The following DNAH11 variants were observed in gnomAD, a reference collection of about 807,000 sequenced individuals.
DNAH11 encodes axonemal beta dynein heavy chain 11.
DNAH11 carries 442 observed loss-of-function variants against 526.0 expected under a neutral mutation model. The observed-to-expected ratio is 0.84, with a 90% CI of 0.78 to 0.91. The LOEUF (loss-of-function observed/expected upper bound fraction) is 0.91, where lower values mean the gene tolerates loss of function less well. Among genes scored for constraint, DNAH11 ranks in the 40% least tolerant of loss-of-function variants. The pLI, the probability that DNAH11 is intolerant of heterozygous loss-of-function variation, is 0.00. For missense variants in DNAH11, 6,989 were observed against 5,448.7 expected, an observed-to-expected ratio of 1.28 and a Z score of -8.90; for synonymous variants, 2,461 against 1,935.9, an observed-to-expected ratio of 1.27 and a Z score of -7.12.
intron 8 of DNAH11, among the ~76,000 whole-genome samples, chr7:21,574,343 C>T (rs985076969): frequency 2.0e-5 from 3 of 152,124 alleles, no homozygotes; most frequent in Non-Finnish European, 4.4e-5. Flanking sequence ...TATTTATGGA[C>T]GAAGTACTGG....
At chr7:21,554,495 G>T (rs1026535115) in intron 2 of DNAH11, among the ~76,000 whole-genome samples, 2 of 151,982 alleles carry the variant, frequency 1.3e-5, no homozygotes, top group Non-Finnish European at 2.9e-5. Flanking sequence ...TTATTATCTC[G>T]TTTGGGATTG....
At chr7:21,609,569 G>GA (rs10719108) in intron 20 of DNAH11, among the ~76,000 whole-genome samples, 3 of 151,600 alleles carry the variant, frequency 2.0e-5, no homozygotes, top group Non-Finnish European at 2.9e-5. Flanking sequence ...TAAGTGATAG[G>GA]AAAAAAAACG....
At chr7:21,684,601 T>C (rs1783291493) in intron 32 of DNAH11, among the ~76,000 whole-genome samples, 1 of 152,238 alleles carries the variant, frequency 6.6e-6, no homozygotes, top group African/African-American at 2.4e-5. Context: ...GAATCAGTTA[T>C]GCAGAGATCC....
intron 30 of DNAH11, among the ~76,000 whole-genome samples, chr7:21,667,716 C>A (rs1782474173): frequency 6.6e-6 from 1 of 151,992 alleles, no homozygotes; most frequent in South Asian, 2.1e-4. Context: ...CAAAAACATA[C>A]AATAAAGGGA....
In DNAH11 at chr7:21,582,381, T is replaced by G. The variant is rs149854195; in HGVS notation, c.1710+360T>G. 1.2e-3 allele frequency among the ~76,000 whole-genome samples: 182 copies of G among 152,316 alleles called. 3 individuals are homozygous for G. In the East Asian group the frequency reaches 0.03, roughly 25 times the overall value. Reference sequence around the variant, plus strand: ...TTTCTTTTATTTACCATTGTTTAGATTGTTAGGTTCATCTGCCTATTTTAT... The same window carrying G: ...TTTCTTTTATTTACCATTGTTTAGAGTGTTAGGTTCATCTGCCTATTTTAT... On this transcript the variant is annotated intron_variant, in intron 9 of 81. Coordinates refer to ENST00000409508, the MANE Select transcript of DNAH11 (RefSeq NM_001277115.2).
intron 76 of DNAH11, 86 bp downstream of exon 76, chr7:21,884,496 G>C: frequency 7.4e-7 from 1 of 1,357,936 alleles, no homozygotes; most frequent in South Asian, 1.6e-5. Context: ...TATACTATGG[G>C]CAATTCTTAA....
intron 20 of DNAH11, among the ~76,000 whole-genome samples, chr7:21,610,788 A>G (rs1393422926): frequency 2.0e-5 from 3 of 152,206 alleles, no homozygotes; most frequent in Admixed American, 6.5e-5. Context: ...TACAAATTAC[A>G]TTGGAGGAAA....
intron 72 of DNAH11, among the ~76,000 whole-genome samples, chr7:21,868,651 C>T (rs1306223611): frequency 2.0e-5 from 3 of 152,214 alleles, no homozygotes; most frequent in Non-Finnish European, 4.4e-5. Flanking sequence ...AAGGAACTGG[C>T]TTCCACGGCT....
intron 64 of DNAH11, 145 bp from the exon 65 acceptor site, chr7:21,818,072 A>C: frequency 1.5e-6 from 1 of 680,500 alleles, no homozygotes; most frequent in East Asian, 3.0e-5. Context: ...ATCTAGTGGA[A>C]GGGAACTACT....
intron 76 of DNAH11, among the ~76,000 whole-genome samples, 187 bp downstream of exon 76, chr7:21,884,597 T>A (rs552352277): frequency 6.6e-5 from 10 of 152,184 alleles, no homozygotes; most frequent in Non-Finnish European, 1.3e-4. Flanking sequence ...GAATCTGCAT[T>A]TTCACAAGTC....
At chr7:21,828,499 A>G (rs1158410867) in intron 65 of DNAH11, among the ~76,000 whole-genome samples, 1 of 152,166 alleles carries the variant, frequency 6.6e-6, no homozygotes, top group Non-Finnish European at 1.5e-5. Context: ...CAGATAAAGC[A>G]TTCTCACATT....
At chr7:21,848,937 G>C (rs1782522024) in intron 66 of DNAH11, among the ~76,000 whole-genome samples, 1 of 152,104 alleles carries the variant, frequency 6.6e-6, no homozygotes, top group Non-Finnish European at 1.5e-5. Context: ...CCAGGCTGGA[G>C]TGCAATGGCA....
intron 40 of DNAH11, 89 bp from the exon 41 acceptor site, chr7:21,710,464 G>A: frequency 9.7e-6 from 12 of 1,235,022 alleles, no homozygotes; most frequent in African/African-American, 1.6e-5. Flanking sequence ...CAGCAAAATC[G>A]TTTTTATTTA....
intron 65 of DNAH11, among the ~76,000 whole-genome samples, chr7:21,834,142 A>T (rs1460135741): frequency 1.3e-5 from 2 of 152,226 alleles, no homozygotes; most frequent in Non-Finnish European, 2.9e-5. Context: ...CACAATTGAA[A>T]TTATGTCAAG....
intron 79 of DNAH11, among the ~76,000 whole-genome samples, chr7:21,897,788 G>A (rs1338158870): frequency 6.6e-6 from 1 of 151,858 alleles, no homozygotes; most frequent in Non-Finnish European, 1.5e-5. Flanking sequence ...GGCCAACTTT[G>A]TTATTTTTAG....
At chr7:21,677,682 G>T (rs1245870035) in intron 30 of DNAH11, among the ~76,000 whole-genome samples, 2 of 152,212 alleles carry the variant, frequency 1.3e-5, no homozygotes, top group Non-Finnish European at 2.9e-5. Flanking sequence ...ATCACGGCCA[G>T]CCTGTGATCA....
chr7:21,551,858 T>A (rs1176373886), intron 2 of DNAH11, among the ~76,000 whole-genome samples: 1 of 139,770 alleles, frequency 7.2e-6, no homozygotes, highest in Non-Finnish European at 1.6e-5. Flanking sequence ...TTTGTTGTTA[T>A]GAGCAAATAA....
At chr7:21,741,260 T>A (rs1785876335) in intron 48 of DNAH11, among the ~76,000 whole-genome samples, 1 of 152,230 alleles carries the variant, frequency 6.6e-6, no homozygotes, top group Non-Finnish European at 1.5e-5. Context: ...GATTTCTCCA[T>A]GTCTTTCCGT....
intron 75 of DNAH11, among the ~76,000 whole-genome samples, chr7:21,883,231 T>C (rs1783991553): frequency 1.3e-5 from 2 of 152,266 alleles, no homozygotes; most frequent in South Asian, 2.1e-4. Context: ...ATTATAATTA[T>C]GTTTTTACTT....
Sources: gnomAD v4.1 joint callset for allele counts (sites outside exome capture counted in the v4.1 genomes callset) on GRCh38, gnomAD v4.1.1 for gene constraint, MANE v1.5 for transcripts, NCBI Gene and HGNC (gene_info 2026-07-23, HGNC 2026-07-21) for gene names.